PCCA: variants seen among roughly 807,000 people sequenced by gnomAD.
PCCA encodes propionyl-CoA carboxylase subunit alpha.
PCCA carries 74 observed loss-of-function variants against 101.3 expected under a neutral mutation model. The ratio of observed to expected loss-of-function variants is 0.73; its 90% CI spans 0.61 to 0.89. PCCA has a LOEUF of 0.89. PCCA is among the 40% of genes least tolerant of loss of function. PCCA has a pLI of 0.00. For synonymous variants in PCCA, 294 were observed against 313.6 expected (o/e 0.94, Z 0.66); for missense variants, 891 against 907.0 (o/e 0.98, Z 0.23).
At chr13:100,374,239 A>G (rs2075760303) in intron 19 of PCCA, among the ~76,000 whole-genome samples, 1 of 152,226 alleles carries the variant, frequency 6.6e-6, no homozygotes, top group African/African-American at 2.4e-5. Context: ...TATGTATTTT[A>G]GGTCTTTATT....
intron 4 of PCCA, among the ~76,000 whole-genome samples, chr13:100,137,548 T>C (rs1045172863): frequency 1.3e-5 from 2 of 152,168 alleles, no homozygotes; most frequent in Non-Finnish European, 2.9e-5. Context: ...GATTATTGTA[T>C]CTTTTTGGTG....
At chr13:100,442,336 G>A (rs1243357760) in intron 20 of PCCA, among the ~76,000 whole-genome samples, 1 of 151,902 alleles carries the variant, frequency 6.6e-6, no homozygotes, top group African/African-American at 2.4e-5. Flanking sequence ...TGGGAGAGTG[G>A]TGAAAAAAAG....
chr13:100,505,556 G>T (rs896449816), intron 21 of PCCA, among the ~76,000 whole-genome samples: 1 of 152,170 alleles, frequency 6.6e-6, no homozygotes, highest in African/African-American at 2.4e-5. Context: ...TACAATACAT[G>T]ATTTTAAAAT....
intron 19 of PCCA, among the ~76,000 whole-genome samples, chr13:100,369,217 C>T (rs2075407422): frequency 6.6e-6 from 1 of 152,082 alleles, no homozygotes; most frequent in Admixed American, 6.5e-5. Flanking sequence ...GTGTTTTCAG[C>T]CTGAACTCAA....
intron 14 of PCCA, among the ~76,000 whole-genome samples, chr13:100,306,094 G>A (rs922362322): frequency 6.6e-6 from 1 of 152,194 alleles, no homozygotes; most frequent in Non-Finnish European, 1.5e-5. Flanking sequence ...TCCTAGACAA[G>A]AGGTTCTACA....
intron 21 of PCCA, among the ~76,000 whole-genome samples, chr13:100,486,554 A>T (rs2084388148): frequency 6.6e-6 from 1 of 152,234 alleles, no homozygotes; most frequent in African/African-American, 2.4e-5. Flanking sequence ...TGCAATATGA[A>T]CTATATTGTA....
chr13:100,277,794 A>G lies in PCCA; in HGVS notation c.1065+4448A>G, dbSNP rs79233871. On this transcript the variant is annotated intron_variant, in intron 12 of 23. Transcript: ENST00000376285. Reference sequence around the variant, plus strand: ...TATACCCTAGAAGGAGTTTGGAGGGAAAGTTCAGTGCCAGCCCACCATTTT... The same window carrying G: ...TATACCCTAGAAGGAGTTTGGAGGGGAAGTTCAGTGCCAGCCCACCATTTT... 4.4e-3 allele frequency among the ~76,000 whole-genome samples: 664 copies of G among 152,330 alleles called. 10 individuals are homozygous for G. Among genetic ancestry groups the G allele is most frequent in the African/African-American group, 0.015 (637 of 41,576 alleles).
At chr13:100,375,209 T>C (rs2075825371) in intron 19 of PCCA, among the ~76,000 whole-genome samples, 1 of 152,228 alleles carries the variant, frequency 6.6e-6, no homozygotes, top group South Asian at 2.1e-4. Flanking sequence ...AGTTCTAATT[T>C]GATTGCATTG....
At chr13:100,388,087 A>T (rs2076609861) in intron 19 of PCCA, among the ~76,000 whole-genome samples, 1 of 152,210 alleles carries the variant, frequency 6.6e-6, no homozygotes, top group Non-Finnish European at 1.5e-5. Context: ...CCTTTAGTTC[A>T]GTTCAGTTTC....
intron 6 of PCCA, among the ~76,000 whole-genome samples, chr13:100,158,174 G>A (rs985136002): frequency 1.3e-5 from 2 of 152,192 alleles, no homozygotes; most frequent in African/African-American, 4.8e-5. Context: ...TTGTAATACA[G>A]TGGTAGATAT....
At chr13:100,325,768 C>T (rs1335458122) in intron 16 of PCCA, among the ~76,000 whole-genome samples, 1 of 152,040 alleles carries the variant, frequency 6.6e-6, no homozygotes, top group Non-Finnish European at 1.5e-5. Flanking sequence ...CAATGAGAAC[C>T]CTTTTTCTGG....
chr13:100,137,861 G>A (rs1008859098), intron 4 of PCCA, among the ~76,000 whole-genome samples: 2 of 150,258 alleles, frequency 1.3e-5, no homozygotes, highest in Admixed American at 1.3e-4. Context: ...CCAGGCTGGA[G>A]TGCAGTGGCG....
Position 100,530,143 on chromosome 13 carries a change from G to C in PCCA, c.2164G>C (p.Asp722His), listed in dbSNP as rs2088295803. 1 of 1,614,022 alleles carries C rather than the reference G, an allele frequency of 6.2e-7. No individual in the cohort carries two copies. ...AGCTGGAGACACAGTTGGAGAAGGGGATCTGCTCGTGGAGCTGGAATGAAG... is the reference window on the plus strand; with the variant it reads ...AGCTGGAGACACAGTTGGAGAAGGGCATCTGCTCGTGGAGCTGGAATGAAG... Reference protein sequence around the residue: ...CQAGDTVGEGDLLVELE With the variant: ...CQAGDTVGEGHLLVELE Residue 722 changes from aspartate to histidine, a missense_variant, in exon 24 of 24, where the codon GAT (aspartate) becomes CAT (histidine). Coordinates refer to ENST00000376285, the MANE Select transcript of PCCA (RefSeq NM_000282.4).
At chr13:100,211,627 G>T (rs1057324973) in intron 7 of PCCA, among the ~76,000 whole-genome samples, 6 of 151,900 alleles carry the variant, frequency 3.9e-5, no homozygotes, top group Non-Finnish European at 7.4e-5. Context: ...CCTTAAATGG[G>T]GGTTTTATTC....
At chr13:100,196,685 G>A (rs1220921603) in intron 6 of PCCA, among the ~76,000 whole-genome samples, 6 of 152,148 alleles carry the variant, frequency 3.9e-5, no homozygotes, top group Admixed American at 3.9e-4. Flanking sequence ...ATTAAATACA[G>A]TTTGTGAGTA....
At chr13:100,272,201 G>A (rs1159209154) in intron 11 of PCCA, among the ~76,000 whole-genome samples, 2 of 152,092 alleles carry the variant, frequency 1.3e-5, no homozygotes, top group Admixed American at 6.6e-5. Flanking sequence ...TGGATGTATT[G>A]CTGATTCTTG....
chr13:100,117,401 A>G (rs1379854038), intron 4 of PCCA, among the ~76,000 whole-genome samples: 1 of 150,396 alleles, frequency 6.6e-6, no homozygotes, highest in Non-Finnish European at 1.5e-5. Context: ...TTTGCTTTAT[A>G]TTTGTATCCA....
At chr13:100,241,367 G>T (rs1241871336) in intron 8 of PCCA, among the ~76,000 whole-genome samples, 1 of 152,014 alleles carries the variant, frequency 6.6e-6, no homozygotes, top group African/African-American at 2.4e-5. Context: ...TTTGTGTCTG[G>T]TTTCTTTCAC....
chr13:100,511,502 T>C (rs1474612582), intron 21 of PCCA, among the ~76,000 whole-genome samples: 1 of 152,246 alleles, frequency 6.6e-6, no homozygotes, highest in African/African-American at 2.4e-5. Context: ...TGCTTCAAGA[T>C]AGCTGATGCA....
Sources: gnomAD v4.1 joint callset for allele counts (sites outside exome capture counted in the v4.1 genomes callset) on GRCh38, gnomAD v4.1.1 for gene constraint, MANE v1.5 for transcripts, NCBI Gene and HGNC (gene_info 2026-07-23, HGNC 2026-07-21) for gene names.